CLSTN2: variants seen among roughly 807,000 people sequenced by gnomAD.
The protein encoded by CLSTN2 is calsyntenin 2.
Under a neutral mutation model 101.2 loss-of-function variants are expected in CLSTN2, and 48 were observed. That is an observed-to-expected ratio of 0.47 (90% CI 0.38 to 0.60). The LOEUF (loss-of-function observed/expected upper bound fraction) is 0.60, where lower values mean the gene tolerates loss of function less well. Among genes scored for constraint, CLSTN2 ranks in the 20% least tolerant of loss-of-function variants. The pLI is 0.00. For missense variants in CLSTN2, 1,160 were observed against 1,238.2 expected (o/e 0.94, Z 0.95); for synonymous variants, 481 against 463.6 (o/e 1.04, Z -0.48).
chr3:140,289,641 G>A (rs973525687), intron 2 of CLSTN2, among the ~76,000 whole-genome samples: 1 of 152,036 alleles, frequency 6.6e-6, no homozygotes, highest in Non-Finnish European at 1.5e-5. Context: ...ATCATTAACA[G>A]ACAATGGGTG....
intron 1 of CLSTN2, among the ~76,000 whole-genome samples, chr3:139,996,404 T>A (rs2006659341): frequency 6.6e-6 from 1 of 152,208 alleles, no homozygotes; most frequent in Non-Finnish European, 1.5e-5. Flanking sequence ...TTTTTGTTTT[T>A]TTTGAGACGG....
intron 2 of CLSTN2, among the ~76,000 whole-genome samples, chr3:140,247,542 C>T (rs899782342): frequency 2.0e-5 from 3 of 152,160 alleles, no homozygotes; most frequent in African/African-American, 4.8e-5. Context: ...AAAAACCAAG[C>T]GTGAGAGCAG....
intron 1 of CLSTN2, among the ~76,000 whole-genome samples, chr3:140,112,989 A>G (rs967932558): frequency 2.6e-5 from 4 of 152,110 alleles, no homozygotes; most frequent in African/African-American, 9.7e-5. Context: ...AGGCCCTAAC[A>G]TGCCAGAACC....
intron 2 of CLSTN2, among the ~76,000 whole-genome samples, chr3:140,341,812 C>T (rs1196051892): frequency 6.6e-6 from 1 of 152,134 alleles, no homozygotes; most frequent in Non-Finnish European, 1.5e-5. Context: ...CAGGCACTGT[C>T]CTAAAATTTA....
chr3:140,316,071 G>A (rs993225250), intron 2 of CLSTN2, among the ~76,000 whole-genome samples: 2 of 152,214 alleles, frequency 1.3e-5, no homozygotes, highest in African/African-American at 2.4e-5. Context: ...GTAGGCATCT[G>A]CTGAGTGCTG....
chr3:140,078,043 G>A (rs1010087780), intron 1 of CLSTN2, among the ~76,000 whole-genome samples: 5 of 152,196 alleles, frequency 3.3e-5, no homozygotes, highest in African/African-American at 9.7e-5. Flanking sequence ...TAACACGGTG[G>A]ATGAGGGGAA....
chr3:140,143,895 G>A (rs1300639602), intron 1 of CLSTN2, among the ~76,000 whole-genome samples: 1 of 152,234 alleles, frequency 6.6e-6, no homozygotes, highest in Non-Finnish European at 1.5e-5. Flanking sequence ...TGTGCTGTCT[G>A]TCAGCTTCCG....
intron 1 of CLSTN2, among the ~76,000 whole-genome samples, chr3:140,034,369 G>T (rs553997050): frequency 2.0e-5 from 3 of 152,288 alleles, no homozygotes; most frequent in East Asian, 3.9e-4. Context: ...CTAGAACTGG[G>T]ATGTCATCAT....
intron 8 of CLSTN2, among the ~76,000 whole-genome samples, chr3:140,502,109 C>G (rs182186086): frequency 6.6e-6 from 1 of 152,148 alleles, no homozygotes; most frequent in Non-Finnish European, 1.5e-5. Context: ...TGTATGAAAG[C>G]AGGCTGTGCT....
At chr3:140,399,812 C>T (rs2107976020) in intron 2 of CLSTN2, among the ~76,000 whole-genome samples, 1 of 152,086 alleles carries the variant, frequency 6.6e-6, no homozygotes, top group Non-Finnish European at 1.5e-5. Flanking sequence ...ATCACGTCAC[C>T]AAGAAAGTGA....
intron 1 of CLSTN2, among the ~76,000 whole-genome samples, chr3:140,054,987 T>G (rs749711856): frequency 2.0e-5 from 3 of 152,246 alleles, no homozygotes; most frequent in Non-Finnish European, 4.4e-5. Context: ...ACCTGGGATA[T>G]GCCTGCAGGC....
chr3:140,324,621 C>A (rs993292030), intron 2 of CLSTN2, among the ~76,000 whole-genome samples: 1 of 152,150 alleles, frequency 6.6e-6, no homozygotes, highest in African/African-American at 2.4e-5. Flanking sequence ...CACATGTTTA[C>A]TTTTTTAACA....
intron 1 of CLSTN2, among the ~76,000 whole-genome samples, chr3:140,093,975 C>G (rs1052768331): frequency 6.6e-6 from 1 of 152,098 alleles, no homozygotes. Flanking sequence ...GAACACTGCC[C>G]GGGGGAATCT....
chr3:140,158,619 G>T (rs890131003), intron 1 of CLSTN2, among the ~76,000 whole-genome samples: 3 of 151,930 alleles, frequency 2.0e-5, no homozygotes, highest in African/African-American at 7.2e-5. Flanking sequence ...CCATATTGCT[G>T]AAAACAGTTT....
chr3:140,237,938 G>A (rs1314836624), intron 2 of CLSTN2, among the ~76,000 whole-genome samples: 1 of 152,030 alleles, frequency 6.6e-6, no homozygotes, highest in Non-Finnish European at 1.5e-5. Context: ...CTCAACTTTA[G>A]GCTCTGCTGT....
chr3:140,350,519 A>G (rs2087594428), intron 2 of CLSTN2, among the ~76,000 whole-genome samples: 1 of 152,318 alleles, frequency 6.6e-6, no homozygotes, highest in African/African-American at 2.4e-5. Context: ...AAAACACTGA[A>G]GAACATACTA....
chr3:140,414,524 C>T (rs1319822430), intron 4 of CLSTN2, among the ~76,000 whole-genome samples: 2 of 151,848 alleles, frequency 1.3e-5, no homozygotes, highest in East Asian at 3.9e-4. Context: ...TATGGGTATG[C>T]AAAGGCATAC....
chr3:139,998,336 C>CTTTTTTTTTTTTTTT (rs60541490), intron 1 of CLSTN2, among the ~76,000 whole-genome samples: 1,351 of 66,798 alleles, frequency 0.02, 240 homozygotes, highest in African/African-American at 0.026. Context: ...CCCCACATGC[C>CTTTTTTTTTTTTTTT]TTTTTTTTTT....
At chr3:140,565,236 G>A (rs1301026254) in intron 16 of CLSTN2, among the ~76,000 whole-genome samples, 1 of 152,228 alleles carries the variant, frequency 6.6e-6, no homozygotes, top group Non-Finnish European at 1.5e-5. Context: ...AACAATCAGG[G>A]AAGATTCCTT....
Sources: gnomAD v4.1 joint callset for allele counts (sites outside exome capture counted in the v4.1 genomes callset) on GRCh38, gnomAD v4.1.1 for gene constraint, MANE v1.5 for transcripts, NCBI Gene and HGNC (gene_info 2026-07-23, HGNC 2026-07-21) for gene names.